R3HDM1: variants seen among roughly 807,000 people sequenced by gnomAD.
R3HDM1 encodes R3H domain containing 1.
A neutral mutation model predicts 141.1 loss-of-function variants in R3HDM1; 46 were observed. The observed-to-expected ratio is 0.33, with a 90% CI of 0.26 to 0.42. The LOEUF is 0.42. R3HDM1 is among the 10% of genes least tolerant of loss of function. The probability of loss-of-function intolerance (pLI) is 1.00; values close to 1 mark genes in which losing one functional copy is unlikely to be tolerated. For missense variants in R3HDM1, 1,184 were observed against 1,368.3 expected (o/e 0.87, Z 2.12); for synonymous variants, 435 against 472.9 (o/e 0.92, Z 1.04).
chr2:135,544,473 C>G (rs1447132847), intron 1 of R3HDM1, among the ~76,000 whole-genome samples: 1 of 152,030 alleles, frequency 6.6e-6, no homozygotes, highest in Non-Finnish European at 1.5e-5. Context: ...ATATAGTTTC[C>G]TATTATCCGG....
intron 19 of R3HDM1, chr2:135,667,650 C>T (rs2067732074): frequency 4.1e-6 from 4 of 976,502 alleles, no homozygotes; most frequent in South Asian, 4.7e-5. Context: ...AAGTTGGAGT[C>T]GGGATACTGG....
At chr2:135,622,347 G>C in intron 6 of R3HDM1, 3 of 984,440 alleles carry the variant, frequency 3.0e-6, no homozygotes, top group Non-Finnish European at 3.6e-6. Flanking sequence ...TTGAACATGA[G>C]GTTGTGGTGA....
At chr2:135,634,392 G>A (rs1297129311) in intron 9 of R3HDM1, among the ~76,000 whole-genome samples, 1 of 152,184 alleles carries the variant, frequency 6.6e-6, no homozygotes, top group Non-Finnish European at 1.5e-5. Context: ...TGTAATCCCA[G>A]CACTTTGGGA....
intron 17 of R3HDM1, chr2:135,650,845 A>T: frequency 1.0e-6 from 1 of 985,202 alleles, no homozygotes; most frequent in Non-Finnish European, 1.2e-6. Context: ...TGATATGATG[A>T]CTCAATTGCC....
At position 135,631,924 on chromosome 2, in the gene R3HDM1, C is replaced by T. The variant is rs762014756; in HGVS notation, c.621C>T (p.Ala207=). The change falls in exon 9 of 27, where the codon GCC becomes GCT. Residue 207 remains alanine (A), a synonymous_variant. Coordinates refer to ENST00000683871, the MANE Select transcript of R3HDM1 (RefSeq NM_001378107.1). ...ATAGGATGCTATTACACAGAGTAGCCGCTTACTTTGGATTAGACCACAATG... is the reference window on the plus strand; with the variant it reads ...ATAGGATGCTATTACACAGAGTAGCTGCTTACTTTGGATTAGACCACAATG... ...SYHRMLLHRV[A]AYFGLDHNVD... 11 of 1,611,746 alleles carry T rather than the reference C, an allele frequency of 6.8e-6. No individual in the cohort carries two copies. The highest frequency in any genetic ancestry group is 4.4e-5 in the South Asian group (4 of 90,960).
In R3HDM1 at chr2:135,602,482, CT is replaced by C. The variant is rs2059704435; in HGVS notation, c.-249-14del. On this transcript the variant is annotated splice_polypyrimidine_tract_variant and intron_variant, in intron 1 of 26. Transcript: ENST00000683871. ...CTTGGCCATTTTGTTAAAATGGTTT[CT>C]TTTGTTTTCATTTTAGGCCACGGAA... 5 of 1,258,180 alleles carry C rather than the reference CT, an allele frequency of 4.0e-6. No homozygotes were observed. The highest frequency in any genetic ancestry group is 6.2e-5 in the East Asian group (2 of 32,338). 77.9% of individuals were successfully genotyped at this position (1,258,180 alleles called of 1,614,324 possible). A position where few individuals can be genotyped will look rare whatever the true frequency, so the allele number is the denominator to read the frequency against.
intron 21 of R3HDM1, among the ~76,000 whole-genome samples, chr2:135,693,479 G>C (rs1446196222): frequency 1.3e-5 from 2 of 152,190 alleles, no homozygotes; most frequent in African/African-American, 4.8e-5. Context: ...GTTGTAGGGG[G>C]TGAGGAAGGA....
intron 18 of R3HDM1, among the ~76,000 whole-genome samples, chr2:135,660,183 G>C (rs2066503816): frequency 6.6e-6 from 1 of 152,222 alleles, no homozygotes; most frequent in African/African-American, 2.4e-5. Flanking sequence ...TGAATTTCAT[G>C]AAGTTATATG....
At chr2:135,567,107 A>T (rs7602426) in intron 1 of R3HDM1, among the ~76,000 whole-genome samples, 5 of 152,144 alleles carry the variant, frequency 3.3e-5, no homozygotes, top group Non-Finnish European at 7.3e-5. Flanking sequence ...TTTTTAATTT[A>T]AAAAGTGTCT....
intron 1 of R3HDM1, among the ~76,000 whole-genome samples, chr2:135,531,894 G>A (rs1305222690): frequency 6.6e-6 from 1 of 152,210 alleles, no homozygotes; most frequent in Non-Finnish European, 1.5e-5. Context: ...TCCGGCTGCA[G>A]CTGCAGCCAC....
chr2:135,677,345 T>C (rs1425583977), intron 20 of R3HDM1, among the ~76,000 whole-genome samples: 1 of 152,150 alleles, frequency 6.6e-6, no homozygotes, highest in African/African-American at 2.4e-5. Flanking sequence ...CCTCCATCCT[T>C]GAGCCTAGGC....
chr2:135,716,986 G>A (rs372413921), intron 24 of R3HDM1, among the ~76,000 whole-genome samples: 4 of 100,594 alleles, frequency 4.0e-5, no homozygotes, highest in Non-Finnish European at 6.6e-5. Context: ...AAACAAACAC[G>A]GGGAGCAGTA....
intron 11 of R3HDM1, among the ~76,000 whole-genome samples, chr2:135,637,940 C>T (rs1027706409): frequency 6.6e-6 from 1 of 152,106 alleles, no homozygotes. Flanking sequence ...GTGACAGCAG[C>T]CACAGACAAT....
At chr2:135,684,344 C>T (rs2070952682) in intron 21 of R3HDM1, among the ~76,000 whole-genome samples, 1 of 152,224 alleles carries the variant, frequency 6.6e-6, no homozygotes, top group Admixed American at 6.5e-5. Flanking sequence ...CCACCGTGGC[C>T]TCCCAAAGTG....
At chr2:135,534,903 A>G (rs1338462049) in intron 1 of R3HDM1, among the ~76,000 whole-genome samples, 1 of 152,226 alleles carries the variant, frequency 6.6e-6, no homozygotes. Flanking sequence ...TTAATTTCTC[A>G]GAAATAAAGT....
At chr2:135,599,119 T>C (rs2059420433) in intron 1 of R3HDM1, among the ~76,000 whole-genome samples, 1 of 152,224 alleles carries the variant, frequency 6.6e-6, no homozygotes, top group South Asian at 2.1e-4. Context: ...CCTTTAATTT[T>C]ACCTGTAATT....
chr2:135,538,763 A>C (rs937719008), intron 1 of R3HDM1, among the ~76,000 whole-genome samples: 1 of 151,990 alleles, frequency 6.6e-6, no homozygotes, highest in African/African-American at 2.4e-5. Context: ...ACAGGTGCCC[A>C]CCACCATGCC....
intron 1 of R3HDM1, among the ~76,000 whole-genome samples, chr2:135,559,755 C>CT (rs1701446751): frequency 6.6e-6 from 1 of 152,290 alleles, no homozygotes; most frequent in South Asian, 2.1e-4. Flanking sequence ...AAGGAACTGT[C>CT]TATCTCCATG....
chr2:135,658,304 T>C (rs1464981115), intron 18 of R3HDM1, among the ~76,000 whole-genome samples: 1 of 152,320 alleles, frequency 6.6e-6, no homozygotes, highest in East Asian at 1.9e-4. Flanking sequence ...TACCTGAGAC[T>C]ACAAGGCGCG....
Sources: gnomAD v4.1 joint callset for allele counts (sites outside exome capture counted in the v4.1 genomes callset) on GRCh38, gnomAD v4.1.1 for gene constraint, MANE v1.5 for transcripts, NCBI Gene and HGNC (gene_info 2026-07-23, HGNC 2026-07-21) for gene names.